The following TNIP3 variants were observed in gnomAD, a reference collection of about 807,000 sequenced individuals.
TNIP3 encodes the protein TNFAIP3-interacting protein 3.
TNIP3 carries 34 observed loss-of-function variants against 54.1 expected under a neutral mutation model. That is an observed-to-expected ratio of 0.63 (90% CI 0.48 to 0.84). The LOEUF (loss-of-function observed/expected upper bound fraction) is 0.84. TNIP3 is among the 40% of genes least tolerant of loss of function. The pLI is 0.00. For synonymous variants in TNIP3, 134 were observed against 136.8 expected (o/e 0.98, Z 0.14); for missense variants, 366 against 387.6 (o/e 0.94, Z 0.47).
intron 2 of TNIP3, among the ~76,000 whole-genome samples, chr4:121,208,644 T>C (rs1726313616): frequency 1.3e-5 from 2 of 152,210 alleles, no homozygotes; most frequent in South Asian, 4.1e-4. Flanking sequence ...TCCTCTGTCT[T>C]GATAAGTTGG....
intron 2 of TNIP3, among the ~76,000 whole-genome samples, chr4:121,196,697 GAATA>G (rs1408819890): frequency 3.3e-5 from 5 of 151,600 alleles, no homozygotes; most frequent in Middle Eastern, 3.4e-3. Flanking sequence ...AACAAATGCT[GAATA>G]AATAAATAAA....
At chr4:121,184,074 G>A (rs1239711422) in intron 2 of TNIP3, among the ~76,000 whole-genome samples, 1 of 152,018 alleles carries the variant, frequency 6.6e-6, no homozygotes, top group East Asian at 1.9e-4. Context: ...GCATAATGGA[G>A]AAATTATCTG....
chr4:121,138,849 G>A lies in TNIP3; in HGVS notation c.886-165C>T, dbSNP rs572279011. Among the ~76,000 whole-genome samples the A allele has an allele frequency of 2.0e-5, 3 of 151,636 alleles. 1 individual carries two copies. The East Asian group carries it at 5.8e-4, about 29-fold the overall frequency. The stretch of plus-strand genomic sequence containing the variant: ...CTCATCCTGCTTACCCCCCATCACT[G>A]CCATCATCTCTCCCTACCCCCTCTT... On this transcript the variant is annotated intron_variant, in intron 9 of 10. Coordinates refer to ENST00000057513, the MANE Select transcript of TNIP3 (RefSeq NM_024873.6).
rs534052224 is a variant in TNIP3, at chr4:121,186,019, C to T, written c.69-3223G>A. On this transcript the variant is annotated intron_variant, in intron 2 of 12. Transcript: ENST00000507879. ...GAAGGATCAGCCTCAGAGCTGGGGC[C>T]CTGCGTCCTCTCACGTGAGCCTGGT... 5.1e-4 allele frequency among the ~76,000 whole-genome samples: 77 copies of T among 152,286 alleles called. 1 individual carries two copies. Among genetic ancestry groups the T allele is most frequent in the Non-Finnish European group, 2.5e-4 (17 of 68,026 alleles).
intron 3 of TNIP3, among the ~76,000 whole-genome samples, chr4:121,174,134 A>G (rs1290116237): frequency 6.6e-6 from 1 of 152,188 alleles, no homozygotes; most frequent in African/African-American, 2.4e-5. Context: ...GGTTGTCCAG[A>G]TTAGCTTGGA....
chr4:121,132,761 A>AC (rs1728549962), intron 10 of TNIP3, 99 bp from the exon 11 acceptor site: 2 of 1,024,402 alleles, frequency 2.0e-6, no homozygotes, highest in Middle Eastern at 2.9e-4. Flanking sequence ...ATGGCAAAAA[A>AC]AAAAAAAAGT....
chr4:121,157,737 G>T (rs116237885), intron 3 of TNIP3, among the ~76,000 whole-genome samples: 1,755 of 152,276 alleles, frequency 0.012, 28 homozygotes, highest in African/African-American at 0.039. Flanking sequence ...GGTCCTCAGA[G>T]TGGCCACAGT....
Position 121,140,811 on chromosome 4 carries a change from C to T in TNIP3, c.885+1005G>A, listed in dbSNP as rs907345329. Among the ~76,000 whole-genome samples, 7 of 152,024 alleles carry T rather than the reference C, an allele frequency of 4.6e-5. No individual in the cohort carries two copies. In the South Asian group the frequency reaches 8.3e-4, roughly 18 times the overall value. On this transcript the variant is annotated intron_variant, in intron 9 of 10. Transcript: ENST00000057513. Reference sequence around the variant, plus strand: ...GGGAGAGCAGACAGAACTAGCAACCCGCAATAACATGAAAAGACTCAATTC... The same window carrying T: ...GGGAGAGCAGACAGAACTAGCAACCTGCAATAACATGAAAAGACTCAATTC...
Position 121,150,228 on chromosome 4 carries a change from T to A in TNIP3, c.493-9A>T. On this transcript the variant is annotated splice_polypyrimidine_tract_variant and intron_variant, in intron 5 of 10. Coordinates refer to ENST00000057513, the MANE Select transcript of TNIP3 (RefSeq NM_024873.6). ...AAGGCATCCTGAAGAGCCTACGTAA[T>A]AAGATAAGTACACTGTTGATCTAAG... 6.5e-7 allele frequency: 1 copy of A among 1,533,848 alleles called. No homozygotes were observed. Among genetic ancestry groups the A allele is most frequent in the Non-Finnish European group, 9.0e-7 (1 of 1,108,360 alleles).
intron 7 of TNIP3, among the ~76,000 whole-genome samples, chr4:121,146,690 G>C (rs1285055305): frequency 6.6e-6 from 1 of 151,914 alleles, no homozygotes; most frequent in Non-Finnish European, 1.5e-5. Context: ...TTCCAACATA[G>C]CCCTTCAAAG....
chr4:121,182,326 T>C (rs1358005865), intron 3 of TNIP3, among the ~76,000 whole-genome samples: 2 of 152,182 alleles, frequency 1.3e-5, no homozygotes, highest in Non-Finnish European at 2.9e-5. Context: ...CGACATGAGT[T>C]GTGCTGATCT....
At chr4:121,226,239 A>AAGAGAGAG (rs541995255) in intron 1 of TNIP3, among the ~76,000 whole-genome samples, 4 of 150,040 alleles carry the variant, frequency 2.7e-5, no homozygotes, top group African/African-American at 9.8e-5. Flanking sequence ...ACACATAGGA[A>AAGAGAGAG]AGAGAGAGAG....
At chr4:121,221,793 G>A (rs1727035670) in intron 1 of TNIP3, among the ~76,000 whole-genome samples, 1 of 152,140 alleles carries the variant, frequency 6.6e-6, no homozygotes, top group African/African-American at 2.4e-5. Context: ...TGAGAAAGGT[G>A]TCAAATCAGG....
At chr4:121,219,198 TACAAACAA>T (rs113880656), upstream of TNIP3, among the ~76,000 whole-genome samples, 18,654 of 151,720 alleles carry the variant, frequency 0.12, 2,932 homozygotes, top group African/African-American at 0.37. Flanking sequence ...GAAACTCCAT[TACAAACAA>T]ACAAACAAAC....
intron 2 of TNIP3, among the ~76,000 whole-genome samples, chr4:121,186,558 C>A (rs892112844): frequency 6.6e-6 from 1 of 152,124 alleles, no homozygotes. Flanking sequence ...CTTCTATGAA[C>A]CTTTTTGGCC....
chr4:121,227,434 G>A (rs1727305606), exon 1 of TNIP3: 1 of 1,502,568 alleles, frequency 6.7e-7, no homozygotes, highest in Non-Finnish European at 8.9e-7. Flanking sequence ...CGTATTACAA[G>A]GTCTAATACG....
intron 2 of TNIP3, among the ~76,000 whole-genome samples, chr4:121,202,575 T>G (rs1169086948): frequency 6.6e-6 from 1 of 151,848 alleles, no homozygotes. Flanking sequence ...AAAAACAAGA[T>G]AGATGGGATT....
chr4:121,143,715 T>C (rs1009451214), intron 7 of TNIP3, among the ~76,000 whole-genome samples: 1 of 152,246 alleles, frequency 6.6e-6, no homozygotes, highest in Non-Finnish European at 1.5e-5. Context: ...AATGGATCAA[T>C]ACATAACTTT....
chr4:121,221,980 C>CT (rs1358741108), intron 1 of TNIP3, among the ~76,000 whole-genome samples: 1 of 152,130 alleles, frequency 6.6e-6, no homozygotes, highest in East Asian at 1.9e-4. Flanking sequence ...AGTCAGGAGA[C>CT]TAAGATTCTG....
Sources: allele counts gnomAD v4.1 joint callset (sites outside exome capture counted in the v4.1 genomes callset), GRCh38; gene constraint gnomAD v4.1.1; transcripts MANE v1.5; gene names NCBI Gene and HGNC (gene_info 2026-07-23, HGNC 2026-07-21).